Variants in CDK14 observed in about 807,000 individuals in gnomAD.
The protein encoded by CDK14 is cyclin dependent kinase 14.
In CDK14, 34 loss-of-function variants were observed where a neutral mutation model predicts 60.7. The ratio of observed to expected loss-of-function variants is 0.56; its 90% CI spans 0.43 to 0.75. CDK14 has a LOEUF of 0.75. Among genes scored for constraint, CDK14 ranks in the 30% least tolerant of loss-of-function variants. CDK14 has a pLI of 0.00. For missense variants in CDK14, 482 were observed against 564.1 expected (o/e 0.85, Z 1.47); for synonymous variants, 197 against 203.7 (o/e 0.97, Z 0.28).
chr7:90,752,312 A>G (rs1237244521), intron 4 of CDK14, among the ~76,000 whole-genome samples: 1 of 152,116 alleles, frequency 6.6e-6, no homozygotes, highest in Admixed American at 6.5e-5. Context: ...AAGTCATACC[A>G]TCCATACTCT....
chr7:91,177,009 A>C (rs1214773784), intron 14 of CDK14, among the ~76,000 whole-genome samples: 1 of 150,628 alleles, frequency 6.6e-6, no homozygotes, highest in Non-Finnish European at 1.5e-5. Flanking sequence ...ACAACCAAAA[A>C]AGAGAATTTT....
intron 14 of CDK14, among the ~76,000 whole-genome samples, chr7:91,161,910 G>C (rs981156257): frequency 5.3e-5 from 8 of 152,154 alleles, no homozygotes; most frequent in Admixed American, 1.3e-4. Flanking sequence ...TCATGAAATG[G>C]CATGTCAACA....
At chr7:90,828,908 A>G (rs1789813805) in intron 5 of CDK14, among the ~76,000 whole-genome samples, 2 of 152,156 alleles carry the variant, frequency 1.3e-5, no homozygotes, top group Admixed American at 6.5e-5. Context: ...TGCTGTGAAG[A>G]ACTACTGGAG....
intron 5 of CDK14, among the ~76,000 whole-genome samples, chr7:90,843,757 T>C (rs939048011): frequency 1.3e-5 from 2 of 152,124 alleles, no homozygotes; most frequent in African/African-American, 4.8e-5. Context: ...ACCTGATGAT[T>C]AGAGGGAGGA....
chr7:91,091,516 T>TATATATAA (rs1297777867), intron 12 of CDK14, among the ~76,000 whole-genome samples: 5 of 141,056 alleles, frequency 3.5e-5, no homozygotes, highest in South Asian at 2.1e-4. Flanking sequence ...TATATATATA[T>TATATATAA]AAATTAGCCA....
At chr7:90,676,506 A>G (rs1801199602) in intron 2 of CDK14, among the ~76,000 whole-genome samples, 1 of 150,950 alleles carries the variant, frequency 6.6e-6, no homozygotes, top group South Asian at 2.1e-4. Flanking sequence ...CTGCAACTCC[A>G]GGACCAGTCT....
At chr7:90,965,711 C>G (rs1390357416) in intron 9 of CDK14, among the ~76,000 whole-genome samples, 1 of 152,146 alleles carries the variant, frequency 6.6e-6, no homozygotes, top group Admixed American at 6.6e-5. Flanking sequence ...TTTTCAAATT[C>G]TTAGTATTTT....
At chr7:90,671,023 T>G (rs778872159) in intron 2 of CDK14, among the ~76,000 whole-genome samples, 1 of 152,176 alleles carries the variant, frequency 6.6e-6, no homozygotes, top group Non-Finnish European at 1.5e-5. Flanking sequence ...GAGGTTTTTA[T>G]GTGGATGAGC....
chr7:90,739,458 A>G (rs944968027), intron 3 of CDK14, among the ~76,000 whole-genome samples: 4 of 152,158 alleles, frequency 2.6e-5, no homozygotes, highest in African/African-American at 7.2e-5. Context: ...AGTTTTTTCA[A>G]GTAGTAAGTT....
At chr7:90,711,657 A>G (rs1328456852) in intron 2 of CDK14, among the ~76,000 whole-genome samples, 1 of 152,114 alleles carries the variant, frequency 6.6e-6, no homozygotes, top group Non-Finnish European at 1.5e-5. Flanking sequence ...TAAAGGAAGT[A>G]TGGATGAAAC....
chr7:91,070,478 G>A (rs549188142), intron 11 of CDK14, among the ~76,000 whole-genome samples: 34 of 152,284 alleles, frequency 2.2e-4, no homozygotes, highest in African/African-American at 7.0e-4. Flanking sequence ...AAATGTTCAG[G>A]CTGGGCTTTG....
At chr7:91,078,168 A>G (rs1798378206) in intron 11 of CDK14, among the ~76,000 whole-genome samples, 2 of 152,162 alleles carry the variant, frequency 1.3e-5, no homozygotes, top group Non-Finnish European at 2.9e-5. Flanking sequence ...AAGCATCTGT[A>G]GGTAGAGAGA....
At chr7:91,069,746 A>G (rs1417122536) in intron 11 of CDK14, among the ~76,000 whole-genome samples, 1 of 152,202 alleles carries the variant, frequency 6.6e-6, no homozygotes, top group African/African-American at 2.4e-5. Context: ...AGGTTAATAT[A>G]TATTTTAATA....
At chr7:91,197,704 G>GA (rs1307814721) in intron 14 of CDK14, among the ~76,000 whole-genome samples, 1 of 152,180 alleles carries the variant, frequency 6.6e-6, no homozygotes, top group Non-Finnish European at 1.5e-5. Flanking sequence ...TTGGATAGGA[G>GA]AAAATTCCAC....
rs1801823654 is a variant in CDK14 at position 91,177,712 on chromosome 7, T to G, written c.*29-29453T>G. Among the ~76,000 whole-genome samples the G allele has an allele frequency of 2.1e-5, 3 of 144,894 alleles. No homozygotes were observed. The Admixed American group carries it at 2.1e-4, about 10-fold the overall frequency. ...TCATGAGTGAACTCCCATTCACAAT[T>G]GCTTCAAAGAGAATAAAATACCTAG... is the stretch of plus-strand genomic sequence containing the variant. On this transcript the variant is annotated intron_variant, in intron 14 of 14. Coordinates refer to ENST00000380050, the MANE Select transcript of CDK14 (RefSeq NM_001287135.2).
At chr7:91,013,659 T>G (rs1285425981) in intron 10 of CDK14, among the ~76,000 whole-genome samples, 78 of 149,986 alleles carry the variant, frequency 5.2e-4, no homozygotes, top group South Asian at 1.3e-3. Flanking sequence ...TGCCTCTGTT[T>G]TTTTTTTTTT....
intron 10 of CDK14, among the ~76,000 whole-genome samples, chr7:91,043,942 A>G (rs191651988): frequency 6.6e-6 from 1 of 152,314 alleles, no homozygotes; most frequent in Non-Finnish European, 1.5e-5. Context: ...ATGCATGAAC[A>G]ATTTGAGCCC....
chr7:90,876,996 T>C (rs1366670129), intron 6 of CDK14, among the ~76,000 whole-genome samples: 1 of 152,190 alleles, frequency 6.6e-6, no homozygotes, highest in African/African-American at 2.4e-5. Flanking sequence ...TTATTAGAAT[T>C]TGCTATCTTA....
chr7:90,724,336 A>G (rs969717925), intron 2 of CDK14, among the ~76,000 whole-genome samples: 70 of 151,612 alleles, frequency 4.6e-4, no homozygotes, highest in African/African-American at 1.6e-3. Flanking sequence ...CTGTCTGGCT[A>G]GATGTTCATC....
Sources: allele counts gnomAD v4.1 joint callset (sites outside exome capture counted in the v4.1 genomes callset), GRCh38; gene constraint gnomAD v4.1.1; transcripts MANE v1.5; gene names NCBI Gene and HGNC (gene_info 2026-07-23, HGNC 2026-07-21).